The following OR9Q1 variants were observed in gnomAD, a reference collection of about 807,000 sequenced individuals.
OR9Q1 encodes the protein olfactory receptor family 9 subfamily Q member 1.
For missense variants in OR9Q1, 374 were observed against 378.8 expected, an observed-to-expected ratio of 0.99 and a Z score of 0.11; for synonymous variants, 153 against 148.6, an observed-to-expected ratio of 1.03 and a Z score of -0.22.
chr11:58,082,475 C>T (rs1377383524), intron 2 of OR9Q1, among the ~76,000 whole-genome samples: 1 of 150,938 alleles, frequency 6.6e-6, no homozygotes, highest in Non-Finnish European at 1.5e-5. Context: ...AAATCATCAT[C>T]CTCAGTAAAC....
At chr11:58,042,950 C>G (rs3019057) in intron 1 of OR9Q1, among the ~76,000 whole-genome samples, 5,806 of 152,136 alleles carry the variant, frequency 0.038, 377 homozygotes, top group African/African-American at 0.13. Context: ...CTCTGTTTGT[C>G]TGTTATTGGT....
At chr11:58,130,866 AAATCATTAATGTCTAT>A (rs201052735) in intron 2 of OR9Q1, among the ~76,000 whole-genome samples, 2,496 of 152,182 alleles carry the variant, frequency 0.016, 92 homozygotes, top group African/African-American at 0.056. Flanking sequence ...TCCTAGGGTA[AAATCATTAATGTCTAT>A]AATCATTAAT....
chr11:58,141,371 T>C (rs1854246995), intron 2 of OR9Q1, among the ~76,000 whole-genome samples: 1 of 152,198 alleles, frequency 6.6e-6, no homozygotes, highest in Non-Finnish European at 1.5e-5. Context: ...TAGACAGCTC[T>C]TATTATTTTG....
At chr11:58,080,857 G>A (rs975102402) in intron 2 of OR9Q1, among the ~76,000 whole-genome samples, 2 of 152,014 alleles carry the variant, frequency 1.3e-5, no homozygotes, top group African/African-American at 2.4e-5. Flanking sequence ...TCGGTTACAC[G>A]TGCACCACCT....
At chr11:58,058,415 C>T (rs897303933) in intron 2 of OR9Q1, among the ~76,000 whole-genome samples, 1 of 152,194 alleles carries the variant, frequency 6.6e-6, no homozygotes, top group African/African-American at 2.4e-5. Context: ...CCTCATCAGA[C>T]TGTTGCCTGG....
chr11:58,132,879 C>A (rs919365220), intron 2 of OR9Q1, among the ~76,000 whole-genome samples: 13 of 152,164 alleles, frequency 8.5e-5, no homozygotes, highest in Non-Finnish European at 1.3e-4. Flanking sequence ...AGTGGCAAAT[C>A]CCTTTGCTCC....
chr11:58,120,658 G>A (rs909818906), intron 2 of OR9Q1, among the ~76,000 whole-genome samples: 1 of 151,302 alleles, frequency 6.6e-6, no homozygotes, highest in African/African-American at 2.4e-5. Flanking sequence ...GCTAAATAAT[G>A]TTGGCTACTT....
chr11:58,150,350 T>C (rs1409385666), intron 2 of OR9Q1, among the ~76,000 whole-genome samples: 1 of 152,286 alleles, frequency 6.6e-6, no homozygotes, highest in East Asian at 1.9e-4. Context: ...ATCCCAGTGT[T>C]GGGGGAGAAC....
At chr11:58,119,068 A>C in intron 2 of OR9Q1, 1 of 1,614,016 alleles carries the variant, frequency 6.2e-7, no homozygotes, top group Non-Finnish European at 8.5e-7. Flanking sequence ...TGGGTTGCGA[A>C]TGGCAGCATA....
intron 2 of OR9Q1, among the ~76,000 whole-genome samples, chr11:58,173,090 G>T (rs1046372955): frequency 6.6e-6 from 1 of 152,008 alleles, no homozygotes; most frequent in Non-Finnish European, 1.5e-5. Context: ...AAGTACTCTT[G>T]GGTATGAAAA....
At chr11:58,031,034 C>CTCT in intron 1 of OR9Q1, 3 of 1,614,098 alleles carry the variant, frequency 1.9e-6, no homozygotes, top group Non-Finnish European at 2.5e-6. Flanking sequence ...AGCACACCTC[C>CTCT]TCTTCTTCAT....
At chr11:58,087,992 A>G (rs897084868) in intron 2 of OR9Q1, among the ~76,000 whole-genome samples, 1 of 151,694 alleles carries the variant, frequency 6.6e-6, no homozygotes, top group African/African-American at 2.4e-5. Context: ...GGTTCATGCA[A>G]TTCTTGTGCC....
rs547900434 is a variant in OR9Q1 at position 58,172,456 on chromosome 11, A to C, written c.-14-6975A>C. On this transcript the variant is annotated intron_variant, in intron 2 of 2. Transcript: ENST00000335397. Reference sequence around the variant, plus strand: ...GGAAACACCATCCTGATTACTAACTATCAGGGTACATTAGTGAAGAGTGTT... The same window carrying C: ...GGAAACACCATCCTGATTACTAACTCTCAGGGTACATTAGTGAAGAGTGTT... Among the ~76,000 whole-genome samples, 277 of 152,342 alleles carry C rather than the reference A, an allele frequency of 1.8e-3. 1 individual carries two copies. The highest frequency in any genetic ancestry group is 6.3e-3 in the African/African-American group (262 of 41,586).
chr11:58,053,305 G>A (rs1853286352), intron 1 of OR9Q1, among the ~76,000 whole-genome samples: 1 of 151,744 alleles, frequency 6.6e-6, no homozygotes, highest in African/African-American at 2.4e-5. Flanking sequence ...GCAGGGACAT[G>A]GATGAAATTG....
At chr11:58,135,668 T>C (rs1463190801) in intron 2 of OR9Q1, among the ~76,000 whole-genome samples, 1 of 152,224 alleles carries the variant, frequency 6.6e-6, no homozygotes, top group Non-Finnish European at 1.5e-5. Context: ...TACATCTTTG[T>C]TGCATAATTC....
intron 1 of OR9Q1, among the ~76,000 whole-genome samples, chr11:58,033,574 A>G (rs1396827012): frequency 1.3e-5 from 2 of 152,144 alleles, no homozygotes; most frequent in Non-Finnish European, 2.9e-5. Context: ...GAACATAAAG[A>G]TGGGAATAAG....
intron 2 of OR9Q1, among the ~76,000 whole-genome samples, chr11:58,164,588 A>G (rs1368939465): frequency 1.3e-5 from 2 of 152,168 alleles, no homozygotes; most frequent in Non-Finnish European, 2.9e-5. Flanking sequence ...ACCCATCCCA[A>G]TGCTGCCAAA....
chr11:58,031,470 A>G (rs2513726), intron 1 of OR9Q1: 514,288 of 1,613,532 alleles, frequency 0.32, 86,687 homozygotes, highest in East Asian at 0.67. Flanking sequence ...CTAACATTTT[A>G]TGGCCCAAAT....
chr11:58,178,975 A>G (rs1482217927), intron 2 of OR9Q1, among the ~76,000 whole-genome samples: 2 of 134,546 alleles, frequency 1.5e-5, no homozygotes, highest in African/African-American at 5.4e-5. Flanking sequence ...CATAATATAT[A>G]TTTTATATAT....
Sources: gnomAD v4.1 joint callset for allele counts (sites outside exome capture counted in the v4.1 genomes callset) on GRCh38, gnomAD v4.1.1 for gene constraint, MANE v1.5 for transcripts, NCBI Gene and HGNC (gene_info 2026-07-23, HGNC 2026-07-21) for gene names.